The following CENPP variants were observed in gnomAD, a reference collection of about 807,000 sequenced individuals.
The protein encoded by CENPP is centromere protein P.
A neutral mutation model predicts 35.6 loss-of-function variants in CENPP; 24 were observed. The observed-to-expected ratio is 0.67, with a 90% CI of 0.49 to 0.95. CENPP has a LOEUF of 0.95. Ranked by LOEUF, CENPP falls within the 40% of genes least tolerant of loss-of-function variation. CENPP has a pLI of 0.00. For missense variants in CENPP, 332 were observed against 345.3 expected (o/e 0.96, Z 0.31); for synonymous variants, 120 against 125.5 (o/e 0.96, Z 0.29).
At chr9:92,500,215 C>T (rs1846588230) in intron 5 of CENPP, among the ~76,000 whole-genome samples, 1 of 152,128 alleles carries the variant, frequency 6.6e-6, no homozygotes, top group Non-Finnish European at 1.5e-5. Context: ...TGGAGTCTCA[C>T]TCTGTCACCC....
chr9:92,614,681 T>C lies in CENPP; in HGVS notation c.*1532T>C, dbSNP rs1310741599. ...TCATATAATTCCATGGTTTCACTAA[T>C]ATTATATGTTACAATAAGCCTCCAT... is the stretch of plus-strand genomic sequence containing the variant. On this transcript the variant is annotated 3_prime_UTR_variant, in exon 8 of 8. Coordinates refer to ENST00000375587, the MANE Select transcript of CENPP (RefSeq NM_001012267.3). 1 of 152,554 alleles carries C rather than the reference T, an allele frequency of 6.6e-6. No homozygotes were observed. Among genetic ancestry groups the C allele is most frequent in the Admixed American group, 6.5e-5 (1 of 15,284 alleles). 9.5% of individuals were successfully genotyped at this position (152,554 alleles called of 1,614,324 possible).
At chr9:92,354,601 C>G (rs1011378040) in intron 4 of CENPP, among the ~76,000 whole-genome samples, 2 of 152,206 alleles carry the variant, frequency 1.3e-5, no homozygotes, top group Non-Finnish European at 2.9e-5. Context: ...CTCTTGCTAT[C>G]CTCCTGCCTT....
Position 92,509,820 on chromosome 9 carries a change from T to C in CENPP, c.565-101494T>C, listed in dbSNP as rs1029715890. 3 of 1,389,648 alleles carry C rather than the reference T, an allele frequency of 2.2e-6. No individual in the cohort carries two copies. The African/African-American group carries it at 4.5e-5, about 21-fold the overall frequency. The allele number at this position is 1,389,648 out of a possible 1,614,324, so 86.1% of individuals were successfully genotyped here. A position where few individuals can be genotyped will look rare whatever the true frequency, so the allele number is the denominator to read the frequency against. ...TATTTACTATTTATTCATTTGGCAA[T>C]ACAGTAAATAAAATTTCTACAGGAC... On this transcript the variant is annotated intron_variant, in intron 5 of 7. Coordinates refer to ENST00000375587, the MANE Select transcript of CENPP (RefSeq NM_001012267.3).
intron 5 of CENPP, chr9:92,505,533 C>T (rs373635817): frequency 1.3e-6 from 2 of 1,588,288 alleles, no homozygotes; most frequent in Non-Finnish European, 1.7e-6. Flanking sequence ...ATATTGTTAC[C>T]TCAATAGAAC....
chr9:92,350,146 T>C (rs543336258), intron 4 of CENPP, among the ~76,000 whole-genome samples: 7 of 152,350 alleles, frequency 4.6e-5, no homozygotes, highest in African/African-American at 1.7e-4. Context: ...TTATCCTAAA[T>C]TTCTCTTTGT....
intron 4 of CENPP, among the ~76,000 whole-genome samples, chr9:92,350,759 C>T (rs1283005110): frequency 6.6e-6 from 1 of 152,046 alleles, no homozygotes; most frequent in African/African-American, 2.4e-5. Context: ...TCCAGTGTTC[C>T]CTATAAACTA....
rs554720377 is a variant in CENPP, at chr9:92,546,594, G to A, written c.565-64720G>A. Among the ~76,000 whole-genome samples the A allele has an allele frequency of 3.4e-4, 52 of 152,096 alleles. 1 individual carries two copies. Among genetic ancestry groups the A allele is most frequent in the African/African-American group, 1.2e-3 (48 of 41,482 alleles). On this transcript the variant is annotated intron_variant, in intron 5 of 7. Transcript: ENST00000375587. ...CAGCGAGACCACGAACCCACCAGAA[G>A]GAAAAAACTCCGAACACACTGGAAC...
intron 5 of CENPP, among the ~76,000 whole-genome samples, chr9:92,570,784 A>C (rs920005884): frequency 2.6e-5 from 4 of 152,350 alleles, no homozygotes; most frequent in African/African-American, 7.2e-5. Context: ...AAGAGATTCA[A>C]CTTCTTCCTG....
intron 5 of CENPP, chr9:92,495,678 G>T: frequency 2.3e-6 from 2 of 885,838 alleles, no homozygotes; most frequent in Non-Finnish European, 2.7e-6. Context: ...CCTTCTGCCA[G>T]CTTTCCTTAA....
chr9:92,583,725 T>C (rs1457225368), intron 5 of CENPP, among the ~76,000 whole-genome samples: 1 of 152,222 alleles, frequency 6.6e-6, no homozygotes, highest in Non-Finnish European at 1.5e-5. Context: ...TTCAAAATTT[T>C]CAAGCAGGCT....
At chr9:92,385,867 C>A (rs1352200994) in intron 5 of CENPP, 2 of 1,438,102 alleles carry the variant, frequency 1.4e-6, no homozygotes, top group African/African-American at 2.8e-5. Context: ...GTAAAGGAAA[C>A]CTAAGTCAGA....
chr9:92,484,282 CCCT>C (rs1475628327), intron 5 of CENPP, among the ~76,000 whole-genome samples: 1 of 152,188 alleles, frequency 6.6e-6, no homozygotes, highest in Non-Finnish European at 1.5e-5. Flanking sequence ...CATCCAGAAT[CCCT>C]CCTCTTACTC....
intron 3 of CENPP, among the ~76,000 whole-genome samples, chr9:92,341,344 T>A (rs960159635): frequency 3.3e-5 from 5 of 152,196 alleles, no homozygotes; most frequent in Non-Finnish European, 7.3e-5. Flanking sequence ...AAGTACTTGA[T>A]GTCTGTCACC....
At chr9:92,599,674 C>T (rs903663514) in intron 5 of CENPP, among the ~76,000 whole-genome samples, 1 of 152,148 alleles carries the variant, frequency 6.6e-6, no homozygotes, top group Non-Finnish European at 1.5e-5. Context: ...GCCTCGGCCT[C>T]CCAGAGTGCT....
chr9:92,460,046 A>G (rs1242169931), intron 5 of CENPP, among the ~76,000 whole-genome samples: 13 of 150,034 alleles, frequency 8.7e-5, no homozygotes, highest in Non-Finnish European at 5.9e-5. Flanking sequence ...AGGTGGTAAT[A>G]ACGGTGGTTC....
rs186439398 is a variant in CENPP, at chr9:92,381,560, C to T, written c.564+1701C>T. Among the ~76,000 whole-genome samples, 388 of 152,272 alleles carry T rather than the reference C, an allele frequency of 2.5e-3. 5 individuals are homozygous for T. Among genetic ancestry groups the T allele is most frequent in the Admixed American group, 5.7e-3 (87 of 15,296 alleles). On this transcript the variant is annotated intron_variant, in intron 5 of 7. Transcript: ENST00000375587. Reference sequence around the variant, plus strand: ...TGGCCTCCCAAGCCCAGTGCCCTCCCCCTGCCTTTTTATTAAGGCTGGATC... The same window carrying T: ...TGGCCTCCCAAGCCCAGTGCCCTCCTCCTGCCTTTTTATTAAGGCTGGATC...
intron 5 of CENPP, among the ~76,000 whole-genome samples, chr9:92,432,748 AACTTAGT>A (rs1276036159): frequency 1.2e-4 from 19 of 152,234 alleles, no homozygotes; most frequent in Non-Finnish European, 2.8e-4. Flanking sequence ...AATGACTGGT[AACTTAGT>A]ACTTAGCATT....
chr9:92,485,828 A>T (rs1361507099), intron 5 of CENPP, among the ~76,000 whole-genome samples: 1 of 152,192 alleles, frequency 6.6e-6, no homozygotes, highest in Non-Finnish European at 1.5e-5. Flanking sequence ...ACCTGCACAC[A>T]GCCCAAATGA....
intron 5 of CENPP, chr9:92,600,376 A>G: frequency 6.3e-7 from 1 of 1,583,788 alleles, no homozygotes. Context: ...ATTGGGATAT[A>G]TTTCCAGTAG....
Sources: allele counts gnomAD v4.1 joint callset (sites outside exome capture counted in the v4.1 genomes callset), GRCh38; gene constraint gnomAD v4.1.1; transcripts MANE v1.5; gene names NCBI Gene and HGNC (gene_info 2026-07-23, HGNC 2026-07-21).